SLC5A4: variants seen among roughly 807,000 people sequenced by gnomAD.
The protein encoded by SLC5A4 is probable glucose sensor protein SLC5A4.
SLC5A4 carries 55 observed loss-of-function variants against 70.3 expected under a neutral mutation model. That is an observed-to-expected ratio of 0.78 (90% CI 0.63 to 0.98). The LOEUF (loss-of-function observed/expected upper bound fraction) is 0.98, where lower values mean the gene tolerates loss of function less well. Among genes scored for constraint, SLC5A4 ranks in the 50% least tolerant of loss-of-function variants. The pLI, the probability that SLC5A4 is intolerant of heterozygous loss-of-function variation, is 0.00. For synonymous variants in SLC5A4, 268 were observed against 305.7 expected, an observed-to-expected ratio of 0.88 and a Z score of 1.29; for missense variants, 735 against 839.2, an observed-to-expected ratio of 0.88 and a Z score of 1.53.
chr22:32,300,228 G>T, the SLC5A4 span, among the ~76,000 whole-genome samples: 1 of 151,794 alleles, frequency 6.6e-6, no homozygotes, highest in African/African-American at 2.4e-5. Context: ...TCAAGCCTGG[G>T]CAATGGGGGG....
intron 2 of SLC5A4, among the ~76,000 whole-genome samples, chr22:32,252,359 G>A (rs1023189828): frequency 3.3e-5 from 5 of 152,102 alleles, no homozygotes; most frequent in African/African-American, 1.2e-4. Flanking sequence ...TGGCCCACGA[G>A]CCAAGAATGT....
At chr22:32,310,510 C>CCA in the SLC5A4 span, among the ~76,000 whole-genome samples, 2 of 101,290 alleles carry the variant, frequency 2.0e-5, no homozygotes, top group Non-Finnish European at 4.4e-5. Context: ...GCAACATGGG[C>CCA]CTGGGGGGTG....
the SLC5A4 span, among the ~76,000 whole-genome samples, chr22:32,354,389 G>A: frequency 1.3e-5 from 2 of 150,580 alleles, no homozygotes; most frequent in Admixed American, 6.6e-5. Flanking sequence ...CCTGCTCCCT[G>A]CTGTGGGCAG....
chr22:32,277,198 G>C, the SLC5A4 span: 16 of 151,836 alleles, frequency 1.1e-4, no homozygotes, highest in Admixed American at 6.6e-5. Context: ...TATTGCTTTA[G>C]AATTTGAAGG....
the SLC5A4 span, among the ~76,000 whole-genome samples, chr22:32,269,001 T>C: frequency 1.3e-5 from 2 of 152,182 alleles, no homozygotes; most frequent in Non-Finnish European, 2.9e-5. This position sits in a 1 kb window ranked among gnomAD's most constrained non-coding sequence, Gnocchi z 4.1. Context: ...GTTCAAGCGA[T>C]TCTGCCTCAG....
At chr22:32,316,244 T>C in the SLC5A4 span, among the ~76,000 whole-genome samples, 3 of 151,420 alleles carry the variant, frequency 2.0e-5, no homozygotes, top group East Asian at 1.9e-4. Context: ...GTAAATGTTA[T>C]GTGCATTTTA....
At chr22:32,275,617 T>C in the SLC5A4 span, among the ~76,000 whole-genome samples, 2 of 152,236 alleles carry the variant, frequency 1.3e-5, no homozygotes, top group Non-Finnish European at 2.9e-5. Flanking sequence ...CAGTCTACCA[T>C]TGATGGACAT....
At chr22:32,334,448 C>T in the SLC5A4 span, among the ~76,000 whole-genome samples, 1 of 152,174 alleles carries the variant, frequency 6.6e-6, no homozygotes, top group South Asian at 2.1e-4. Context: ...TGCACTACCT[C>T]CAAAATACTG....
chr22:32,238,630 C>T (rs1186025397), intron 6 of SLC5A4, among the ~76,000 whole-genome samples: 2 of 152,136 alleles, frequency 1.3e-5, no homozygotes, highest in East Asian at 1.9e-4. Context: ...TGAACCTTGC[C>T]TTTCATTTGC....
At chr22:32,271,752 G>A in the SLC5A4 span, 11 of 587,102 alleles carry the variant, frequency 1.9e-5, no homozygotes, top group African/African-American at 1.1e-4. Context: ...AACTGTCCCC[G>A]CGGCTTCCTG....
chr22:32,318,770 C>G, the SLC5A4 span, among the ~76,000 whole-genome samples: 3 of 152,184 alleles, frequency 2.0e-5, no homozygotes, highest in Admixed American at 1.3e-4. Flanking sequence ...CTCAGTGGCT[C>G]CCAGATTCAC....
At chr22:32,323,399 C>T in the SLC5A4 span, among the ~76,000 whole-genome samples, 2 of 152,204 alleles carry the variant, frequency 1.3e-5, no homozygotes, top group African/African-American at 4.8e-5. Context: ...TCTACCAGAC[C>T]TCTCTCTGTT....
the SLC5A4 span, among the ~76,000 whole-genome samples, chr22:32,352,973 C>T: frequency 6.6e-6 from 1 of 152,254 alleles, no homozygotes; most frequent in Non-Finnish European, 1.5e-5. Context: ...GGCGGCTCCT[C>T]CTCCTGGCAT....
At chr22:32,281,263 C>T in the SLC5A4 span, among the ~76,000 whole-genome samples, 2 of 152,144 alleles carry the variant, frequency 1.3e-5, no homozygotes, top group Admixed American at 6.5e-5. Context: ...GAAGGTGGGA[C>T]GTCCAGCTGC....
chr22:32,250,789 G>A (rs1453527867), intron 3 of SLC5A4, among the ~76,000 whole-genome samples: 1 of 152,112 alleles, frequency 6.6e-6, no homozygotes, highest in African/African-American at 2.4e-5. Flanking sequence ...AAAAGGATGA[G>A]TTCATGTCCT....
At chr22:32,259,312 A>G (rs1165806240), upstream of SLC5A4, among the ~76,000 whole-genome samples, 1 of 152,264 alleles carries the variant, frequency 6.6e-6, no homozygotes, top group South Asian at 2.1e-4. Context: ...TTAGTCTTTC[A>G]GCATTATTAG....
chr22:32,231,170 G>C (rs1231876063), intron 9 of SLC5A4, 95 bp from the exon 10 acceptor site: 1 of 766,848 alleles, frequency 1.3e-6, no homozygotes, highest in Non-Finnish European at 2.3e-6. Context: ...CATAAGGAAG[G>C]AAAGACATTT....
At chr22:32,312,042 C>T in the SLC5A4 span, among the ~76,000 whole-genome samples, 2 of 152,194 alleles carry the variant, frequency 1.3e-5, no homozygotes, top group Middle Eastern at 3.4e-3. Flanking sequence ...TACCTGCCTC[C>T]CACGTGGTGA....
chr22:32,308,220 T>C, the SLC5A4 span, among the ~76,000 whole-genome samples: 1 of 150,642 alleles, frequency 6.6e-6, no homozygotes, highest in Admixed American at 6.8e-5. Context: ...CTGAAGGCTC[T>C]TCCTGTTGAT....
Sources: gnomAD v4.1 joint callset for allele counts (sites outside exome capture counted in the v4.1 genomes callset) on GRCh38, gnomAD v4.1.1 for gene constraint, Gnocchi (gnomAD v3.1) non-coding constraint, MANE v1.5 for transcripts, NCBI Gene and HGNC (gene_info 2026-07-23, HGNC 2026-07-21) for gene names.